Variants in SPAM1 observed in about 807,000 individuals in gnomAD.
The protein encoded by SPAM1 is sperm adhesion molecule 1.
SPAM1 carries 22 observed loss-of-function variants against 29.6 expected under a neutral mutation model. The observed-to-expected ratio is 0.74, with a 90% CI of 0.53 to 1.06. The LOEUF is 1.06. Among genes scored for constraint, SPAM1 ranks in the 50% least tolerant of loss-of-function variants. SPAM1 has a pLI of 0.00. For synonymous variants in SPAM1, 194 were observed against 204.6 expected (o/e 0.95, Z 0.44); for missense variants, 534 against 604.0 (o/e 0.88, Z 1.21).
In SPAM1 at chr7:123,937,596, C is replaced by CAA. The variant is rs5887154; in HGVS notation, c.-318-12256_-318-12255dup. On this transcript the variant is annotated intron_variant, in intron 1 of 4. Coordinates refer to ENST00000682466, the MANE Select transcript of SPAM1 (RefSeq NM_153189.3). ...AGCCTGGGCAACAGAGACTCCATCT[C>CAA]AAAAAAAAAAAAAAAAAAAAAGACG... Among the ~76,000 whole-genome samples, 740 of 85,594 alleles carry CAA rather than the reference C, an allele frequency of 8.6e-3. 16 individuals are homozygous for CAA. Among genetic ancestry groups the CAA allele is most frequent in the East Asian group, 0.03 (91 of 3,042 alleles). The allele number at this position is 85,594 out of a possible 152,430, so 56.2% of individuals were successfully genotyped here.
downstream of SPAM1, among the ~76,000 whole-genome samples, chr7:123,961,427 CT>C (rs1352961167): frequency 6.6e-6 from 1 of 151,940 alleles, no homozygotes. Flanking sequence ...GCTTGTCTTT[CT>C]GTGCTTGCCT....
At chr7:123,944,391 C>A (rs566378808) in intron 1 of SPAM1, among the ~76,000 whole-genome samples, 31 of 152,046 alleles carry the variant, frequency 2.0e-4, no homozygotes, top group Non-Finnish European at 3.7e-4. Flanking sequence ...GATGTAATAA[C>A]CTTAATTAAA....
intron 2 of SPAM1, among the ~76,000 whole-genome samples, chr7:123,950,904 T>C (rs1808739215): frequency 6.6e-6 from 1 of 152,142 alleles, no homozygotes; most frequent in Non-Finnish European, 1.5e-5. Context: ...TGTCCTTTTT[T>C]CTGCATCCAT....
intron 1 of SPAM1, among the ~76,000 whole-genome samples, chr7:123,930,989 G>T (rs1387599464): frequency 7.2e-5 from 11 of 152,056 alleles, no homozygotes; most frequent in Non-Finnish European, 2.9e-5. Context: ...TTACACCACA[G>T]GGTCATTGTC....
intron 1 of SPAM1, chr7:123,926,104 G>A (rs1214259925): frequency 6.6e-6 from 1 of 152,146 alleles, no homozygotes; most frequent in Non-Finnish European, 1.5e-5. Flanking sequence ...TTGTTCCTAA[G>A]CAGATAGCTA....
intron 5 of SPAM1, among the ~76,000 whole-genome samples, chr7:123,969,824 T>A (rs1270671156): frequency 2.6e-5 from 4 of 151,936 alleles, no homozygotes; most frequent in African/African-American, 9.7e-5. Flanking sequence ...TTTCTTCTAC[T>A]TATGTGAAAA....
chr7:123,956,499 T>G (rs1792250948), intron 4 of SPAM1, among the ~76,000 whole-genome samples: 1 of 151,986 alleles, frequency 6.6e-6, no homozygotes, highest in South Asian at 2.1e-4. Context: ...GCCATTTCTT[T>G]TCGTTCCATT....
At chr7:123,966,533 G>A (rs931152543) in intron 5 of SPAM1, among the ~76,000 whole-genome samples, 1 of 152,010 alleles carries the variant, frequency 6.6e-6, no homozygotes, top group Non-Finnish European at 1.5e-5. Flanking sequence ...GCCTATCAAT[G>A]ATAGACTAGA....
rs563938043 is a variant in SPAM1 at position 123,926,663 on chromosome 7, A to G, written c.-319+1311A>G. Among the ~76,000 whole-genome samples, 6 of 152,282 alleles carry G rather than the reference A, an allele frequency of 3.9e-5. No homozygotes were observed. The East Asian group carries it at 1.2e-3, about 29-fold the overall frequency. On this transcript the variant is annotated intron_variant, in intron 1 of 4. Transcript: ENST00000682466. ...CATTAGTCAAATACGTTTAAGAAATACATTGGTTTGGTTTAGAAAGGCGGG... is the reference window on the plus strand; with the variant it reads ...CATTAGTCAAATACGTTTAAGAAATGCATTGGTTTGGTTTAGAAAGGCGGG...
At chr7:123,938,468 A>G (rs1025441480) in intron 1 of SPAM1, among the ~76,000 whole-genome samples, 3 of 152,166 alleles carry the variant, frequency 2.0e-5, no homozygotes, top group African/African-American at 7.2e-5. Flanking sequence ...GAGGAAACAT[A>G]CTTGTTGCAT....
At chr7:123,946,518 G>T (rs576398294) in intron 1 of SPAM1, among the ~76,000 whole-genome samples, 2 of 152,102 alleles carry the variant, frequency 1.3e-5, no homozygotes, top group African/African-American at 4.8e-5. Context: ...GGTTAAGGAC[G>T]TGCCTGTGAC....
intron 1 of SPAM1, among the ~76,000 whole-genome samples, chr7:123,940,531 C>G (rs557861006): frequency 6.6e-6 from 1 of 150,974 alleles, no homozygotes; most frequent in East Asian, 1.9e-4. Flanking sequence ...CTTTGTCATC[C>G]GGGCTGGGGT....
chr7:123,960,113 T>A, downstream of SPAM1: 1 of 1,213,836 alleles, frequency 8.2e-7, no homozygotes, highest in Non-Finnish European at 1.1e-6. Context: ...AAATGACGAT[T>A]TTCTTTGAAC....
rs556997412 is a variant in SPAM1 at position 123,928,046 on chromosome 7, A to G, written c.-319+2694A>G. ...TGGCTCTTAGACCTTGTACAGATCT[A>G]TGGATTTGATTCCCATCTAAATCAA... is the stretch of plus-strand genomic sequence containing the variant. On this transcript the variant is annotated intron_variant, in intron 1 of 4. Transcript: ENST00000682466. Among the ~76,000 whole-genome samples the G allele has an allele frequency of 1.6e-4, 24 of 152,258 alleles. No homozygotes were observed. The South Asian group carries it at 2.1e-3, about 13-fold the overall frequency.
chr7:123,939,643 C>G (rs1409192283), intron 1 of SPAM1, among the ~76,000 whole-genome samples: 7 of 152,188 alleles, frequency 4.6e-5, no homozygotes, highest in Admixed American at 4.6e-4. Flanking sequence ...AGAGGAGAGA[C>G]AAAGATTTTC....
intron 1 of SPAM1, 105 bp from the exon 2 acceptor site, chr7:123,949,767 G>A (rs141653254): frequency 3.2e-4 from 49 of 152,028 alleles, no homozygotes; most frequent in African/African-American, 1.0e-3. Context: ...GTGATAAAAC[G>A]CCTTTACAAC....
chr7:123,964,837 C>T (rs1792402504), downstream of SPAM1, among the ~76,000 whole-genome samples: 1 of 151,950 alleles, frequency 6.6e-6, no homozygotes, highest in Non-Finnish European at 1.5e-5. Context: ...GGCTGAGCAG[C>T]CAAAAATAAA....
intron 1 of SPAM1, among the ~76,000 whole-genome samples, chr7:123,942,397 G>A (rs544405009): frequency 2.0e-5 from 3 of 152,104 alleles, no homozygotes; most frequent in Non-Finnish European, 4.4e-5. Context: ...TAAAACAAAG[G>A]TCTCTGAGAT....
chr7:123,926,258 C>T (rs1451653022), intron 1 of SPAM1, among the ~76,000 whole-genome samples: 4 of 152,094 alleles, frequency 2.6e-5, no homozygotes, highest in Admixed American at 6.6e-5. Context: ...GATTATCATA[C>T]CCTCCTTCTT....
Sources: gnomAD v4.1 joint callset for allele counts (sites outside exome capture counted in the v4.1 genomes callset) on GRCh38, gnomAD v4.1.1 for gene constraint, MANE v1.5 for transcripts, NCBI Gene and HGNC (gene_info 2026-07-23, HGNC 2026-07-21) for gene names.